ASB5: variants seen among roughly 807,000 people sequenced by gnomAD.
The protein encoded by ASB5 is ankyrin repeat and SOCS box containing 5, also known as ankyrin repeat and SOCS box protein 5.
Under a neutral mutation model 42.1 loss-of-function variants are expected in ASB5, and 45 were observed. That is an observed-to-expected ratio of 1.07 (90% CI 0.84 to 1.37). The LOEUF (loss-of-function observed/expected upper bound fraction) is 1.37. Ranked by LOEUF, ASB5 falls within the 40% of genes most tolerant of loss-of-function variation. ASB5 has a pLI of 0.00. For synonymous variants in ASB5, 147 were observed against 150.6 expected (o/e 0.98, Z 0.18); for missense variants, 402 against 399.8 (o/e 1.01, Z -0.05).
intron 1 of ASB5, among the ~76,000 whole-genome samples, chr4:176,239,096 G>A (rs1447316619): frequency 6.6e-6 from 1 of 152,084 alleles, no homozygotes; most frequent in East Asian, 1.9e-4. Flanking sequence ...AGCCAGCTTG[G>A]CCCAGGCTAT....
intron 5 of ASB5, among the ~76,000 whole-genome samples, chr4:176,219,954 G>A (rs1753155766): frequency 6.6e-6 from 1 of 152,032 alleles, no homozygotes. Context: ...GGTTTCCCTT[G>A]GCCACACTGG....
At chr4:176,269,676 T>A (rs577278744), upstream of ASB5, among the ~76,000 whole-genome samples, 2 of 152,326 alleles carry the variant, frequency 1.3e-5, no homozygotes, top group South Asian at 4.1e-4. Context: ...GTCATTACAC[T>A]GGAACATCAC....
At chr4:176,238,205 T>A (rs866722305) in intron 1 of ASB5, among the ~76,000 whole-genome samples, 28 of 21,618 alleles carry the variant, frequency 1.3e-3, no homozygotes, top group Middle Eastern at 0.038. Context: ...AGACTCCGTC[T>A]CAAAAAAAAA....
intron 1 of ASB5, among the ~76,000 whole-genome samples, chr4:176,276,905 A>G (rs902055714): frequency 6.6e-6 from 1 of 152,208 alleles, no homozygotes; most frequent in African/African-American, 2.4e-5. Flanking sequence ...CTAGCAGCTG[A>G]CATGCTGTAT....
rs1752930425 is a variant in ASB5 at position 176,215,065 on chromosome 4, T to C, written c.*535A>G. The C allele has an allele frequency of 6.6e-6, 1 of 152,316 alleles. No homozygotes were observed. The highest frequency in any genetic ancestry group is 2.4e-5 in the African/African-American group (1 of 41,414). 9.4% of individuals were successfully genotyped at this position (152,316 alleles called of 1,614,324 possible). On this transcript the variant is annotated 3_prime_UTR_variant, in exon 7 of 7. Coordinates refer to ENST00000296525, the MANE Select transcript of ASB5 (RefSeq NM_080874.4). Reference sequence around the variant, plus strand: ...GGGAGAGGGGGGCAATTTATCTTTATGAAGTGTTCATTCTAATGACCAGTG... The same window carrying C: ...GGGAGAGGGGGGCAATTTATCTTTACGAAGTGTTCATTCTAATGACCAGTG...
chr4:176,267,687 G>A (rs528198796), intron 1 of ASB5, among the ~76,000 whole-genome samples: 33 of 152,216 alleles, frequency 2.2e-4, no homozygotes, highest in Non-Finnish European at 1.8e-4. Flanking sequence ...GTTAAATACA[G>A]CCTATTTACT....
chr4:176,247,769 TAATC>T (rs1753940354), intron 1 of ASB5, among the ~76,000 whole-genome samples: 1 of 152,208 alleles, frequency 6.6e-6, no homozygotes, highest in African/African-American at 2.4e-5. Flanking sequence ...CAAAAAGTCT[TAATC>T]AAAGTGGAAA....
chr4:176,270,835 G>A (rs142065137), upstream of ASB5, among the ~76,000 whole-genome samples: 106 of 152,286 alleles, frequency 7.0e-4, no homozygotes, highest in Middle Eastern at 6.8e-3. Flanking sequence ...AGGTATGCCC[G>A]TGGACAGCTG....
chr4:176,250,096 A>T (rs1184622473), intron 1 of ASB5, among the ~76,000 whole-genome samples: 8 of 151,788 alleles, frequency 5.3e-5, no homozygotes. Flanking sequence ...AAGAAAAAGA[A>T]AGTGAGTTAA....
intron 1 of ASB5, among the ~76,000 whole-genome samples, chr4:176,232,581 T>G (rs936057965): frequency 1.3e-5 from 2 of 152,136 alleles, no homozygotes; most frequent in Admixed American, 1.3e-4. Flanking sequence ...AGTATAAGCT[T>G]CAGACTTGAC....
intron 2 of ASB5, among the ~76,000 whole-genome samples, chr4:176,222,644 C>T (rs1753251528): frequency 6.6e-6 from 1 of 152,052 alleles, no homozygotes; most frequent in South Asian, 2.1e-4. Flanking sequence ...CCCAATAATG[C>T]CTTAAGTATT....
chr4:176,251,977 G>T (rs1754046353), intron 1 of ASB5, among the ~76,000 whole-genome samples: 2 of 147,282 alleles, frequency 1.4e-5, no homozygotes, highest in African/African-American at 5.0e-5. Context: ...GAGGCAGGAG[G>T]ATGGATTGAG....
intron 1 of ASB5, among the ~76,000 whole-genome samples, chr4:176,260,662 T>G (rs1754247539): frequency 6.6e-6 from 1 of 152,098 alleles, no homozygotes; most frequent in Non-Finnish European, 1.5e-5. Flanking sequence ...TTGTTGTTGC[T>G]GTTGTTTGTT....
At chr4:176,274,309 T>A (rs1258945444) in intron 2 of ASB5, among the ~76,000 whole-genome samples, 1 of 152,186 alleles carries the variant, frequency 6.6e-6, no homozygotes, top group Non-Finnish European at 1.5e-5. Flanking sequence ...AAAGTCATTT[T>A]TGCTGTTGTT....
chr4:176,250,013 C>T (rs1475771244), intron 1 of ASB5, among the ~76,000 whole-genome samples: 7 of 147,308 alleles, frequency 4.8e-5, no homozygotes, highest in African/African-American at 1.5e-4. Context: ...TGCAGTGAGC[C>T]GAGATCACAC....
intron 1 of ASB5, chr4:176,241,526 G>C (rs931662291): frequency 6.5e-7 from 1 of 1,533,134 alleles, no homozygotes; most frequent in African/African-American, 1.4e-5. Context: ...TCAGTTCTCA[G>C]AGGCTGTGCT....
At chr4:176,263,163 T>C (rs1408203322) in intron 1 of ASB5, among the ~76,000 whole-genome samples, 2 of 152,132 alleles carry the variant, frequency 1.3e-5, no homozygotes, top group Admixed American at 1.3e-4. Flanking sequence ...CCCCACTCTC[T>C]TGAGTCTTAC....
chr4:176,276,405 A>G (rs1042072771), intron 1 of ASB5, among the ~76,000 whole-genome samples: 3 of 152,214 alleles, frequency 2.0e-5, no homozygotes, highest in Admixed American at 2.0e-4. Flanking sequence ...AAGGAAATCA[A>G]TCAGCCCCCC....
intron 1 of ASB5, among the ~76,000 whole-genome samples, chr4:176,244,256 T>C (rs937395211): frequency 6.6e-6 from 1 of 152,226 alleles, no homozygotes; most frequent in Non-Finnish European, 1.5e-5. Flanking sequence ...AATAAAATTA[T>C]AGCCATAATC....
Sources: allele counts gnomAD v4.1 joint callset (sites outside exome capture counted in the v4.1 genomes callset), GRCh38; gene constraint gnomAD v4.1.1; transcripts MANE v1.5; gene names NCBI Gene and HGNC (gene_info 2026-07-23, HGNC 2026-07-21).